CDC7: variants seen among roughly 807,000 people sequenced by gnomAD.
CDC7 encodes the protein cell division cycle 7-related protein kinase.
CDC7 carries 34 observed loss-of-function variants against 53.5 expected under a neutral mutation model. That is an observed-to-expected ratio of 0.64 (90% CI 0.48 to 0.85). The LOEUF is 0.85. Among genes scored for constraint, CDC7 ranks in the 40% least tolerant of loss-of-function variants. The pLI, the probability that CDC7 is intolerant of heterozygous loss-of-function variation, is 0.00. For synonymous variants in CDC7, 211 were observed against 222.8 expected, an observed-to-expected ratio of 0.95 and a Z score of 0.47; for missense variants, 594 against 679.7, an observed-to-expected ratio of 0.87 and a Z score of 1.40.
Position 91,524,172 on chromosome 1 carries a change from G to T in CDC7, c.1462G>T (p.Ala488Ser), listed in dbSNP as rs1297331025. 1 of 1,614,046 alleles carries T rather than the reference G, an allele frequency of 6.2e-7. No homozygotes were observed. Among genetic ancestry groups the T allele is most frequent in the African/African-American group, 1.3e-5 (1 of 75,032 alleles). The change falls in exon 12 of 12, where the codon GCT (alanine) becomes TCT (serine). Residue 488 changes from alanine (A) to serine (S), a missense_variant. By Grantham distance (99) the Ala-to-Ser change is moderately conservative. Coordinates refer to ENST00000234626, the MANE Select transcript of CDC7 (RefSeq NM_003503.4). Reference protein sequence around the residue: ...DIQGHASHQPAISEKTDHKAS... With the variant: ...DIQGHASHQPSISEKTDHKAS... Reference sequence around the variant, plus strand: ...ACAAGGGCATGCTTCTCATCAACCAGCTATTTCAGAGAAGACTGACCATAA... The same window carrying T: ...ACAAGGGCATGCTTCTCATCAACCATCTATTTCAGAGAAGACTGACCATAA...
chr1:91,501,609 G>GT, intron 1 of CDC7, 45 bp from the exon 2 acceptor site: 1 of 815,868 alleles, frequency 1.2e-6, no homozygotes, highest in Non-Finnish European at 2.1e-6. Context: ...TTAGTGCGTG[G>GT]TTTAGCGAGT....
chr1:91,501,928 A>G (rs758289891), intron 2 of CDC7, 97 bp downstream of exon 2: 37 of 883,792 alleles, frequency 4.2e-5, no homozygotes, highest in Non-Finnish European at 6.0e-5. Flanking sequence ...TGAATCTTAT[A>G]AAGTGAATTG....
Position 91,525,161 on chromosome 1 carries a change from G to A in CDC7, c.*726G>A, listed in dbSNP as rs1223534089. On this transcript the variant is annotated 3_prime_UTR_variant, in exon 12 of 12. Transcript: ENST00000234626. ...CTGGATGTTTTATTAAATATTGTAC[G>A]TGTTTACAGTTGGGAATTTAAAATA... The A allele has an allele frequency of 2.0e-5, 3 of 152,028 alleles. No homozygotes were observed. The highest frequency in any genetic ancestry group is 1.9e-4 in the East Asian group (1 of 5,202). 9.4% of individuals were successfully genotyped at this position (152,028 alleles called of 1,614,324 possible). A position where few individuals can be genotyped will look rare whatever the true frequency, so the allele number is the denominator to read the frequency against.
At position 91,515,794 on chromosome 1, in the gene CDC7, G is replaced by T. The variant is rs1403089257; in HGVS notation, c.1098G>T (p.Arg366Ser). 3 of 1,613,300 alleles carry T rather than the reference G, an allele frequency of 1.9e-6. No homozygotes were observed. In the African/African-American group the frequency reaches 4.0e-5, roughly 22 times the overall value. Residue 366 changes from arginine to serine, a missense_variant and splice_region_variant, in exon 10 of 12, where the codon AGG becomes AGT. Arg to Ser is a moderately radical substitution (Grantham distance 110, BLOSUM62 -1). Coordinates refer to ENST00000234626, the MANE Select transcript of CDC7 (RefSeq NM_003503.4). Reference sequence around the variant, plus strand: ...TAGAGAAATCTTATTTCATCATAAGGCGTCAGCAGGTTGCCCCTAGGGCAG... The same window carrying T: ...TAGAGAAATCTTATTTCATCATAAGTCGTCAGCAGGTTGCCCCTAGGGCAG... ...TDKVCSICLS[R>S]RQQVAPRAGT...
intron 10 of CDC7, among the ~76,000 whole-genome samples, chr1:91,519,910 A>G (rs940458298): frequency 2.6e-5 from 4 of 152,214 alleles, no homozygotes; most frequent in African/African-American, 4.8e-5. Context: ...GAGGATTCTC[A>G]GTCCTGGTTG....
At chr1:91,508,464 A>G in intron 4 of CDC7, 67 bp downstream of exon 4, 2 of 1,260,888 alleles carry the variant, frequency 1.6e-6, no homozygotes. Flanking sequence ...GTAGATATTT[A>G]GCAGGGATGA....
chr1:91,519,322 A>C (rs1005190253), intron 10 of CDC7, among the ~76,000 whole-genome samples: 4 of 151,492 alleles, frequency 2.6e-5, no homozygotes, highest in Non-Finnish European at 4.4e-5. Context: ...CCAGCTACTC[A>C]AGAGGCTGAA....
chr1:91,502,929 G>A (rs1337445784), intron 2 of CDC7, among the ~76,000 whole-genome samples: 1 of 151,992 alleles, frequency 6.6e-6, no homozygotes, highest in Non-Finnish European at 1.5e-5. Context: ...CCAGCAGTTA[G>A]CTGTTTTTTT....
rs578086706 is a variant in CDC7 at position 91,513,016 on chromosome 1, A to G, written c.573-42A>G. The G allele has an allele frequency of 1.9e-6, 3 of 1,576,740 alleles. No individual in the cohort carries two copies. In the African/African-American group the frequency reaches 4.1e-5, roughly 21 times the overall value. On this transcript the variant is annotated intron_variant, in intron 6 of 11. Coordinates refer to ENST00000234626, the MANE Select transcript of CDC7 (RefSeq NM_003503.4). ...GAGTATTACAATGTTACTAAGCTTT[A>G]ATTGCTACAGATAAGTAAAAATGCT...
At position 91,524,323 on chromosome 1, in the gene CDC7, TACCTGATGAAGCTTATG is replaced by T; in HGVS notation, c.1619_1635del (p.Asp540AlafsTer2). On this transcript the variant is annotated frameshift_variant, in exon 12 of 12. Coordinates refer to ENST00000234626, the MANE Select transcript of CDC7 (RefSeq NM_003503.4). LOFTEE classifies it high-confidence loss of function. ...ACCAATTTAGAAGGCTGGAATGAGG[TACCTGATGAAGCTTATG>T]ACCTGCTTGATAAACTTCTAGATCT... 6.2e-7 allele frequency: 1 copy of T among 1,613,942 alleles called. No homozygotes were observed. The highest frequency in any genetic ancestry group is 8.5e-7 in the Non-Finnish European group (1 of 1,179,880).
Position 91,525,202 on chromosome 1 carries a change from G to A in CDC7, c.*767G>A, listed in dbSNP as rs1283482099. ...ATTTAAAATAATACATACACTGGTT[G>A]ATAAAGGGAAGCTGCAGGACCAAGG... On this transcript the variant is annotated 3_prime_UTR_variant, in exon 12 of 12. Coordinates refer to ENST00000234626, the MANE Select transcript of CDC7 (RefSeq NM_003503.4). 1 of 152,138 alleles carries A rather than the reference G, an allele frequency of 6.6e-6. No homozygotes were observed. The highest frequency in any genetic ancestry group is 1.5e-5 in the Non-Finnish European group (1 of 67,982). The allele number at this position is 152,138 out of a possible 1,614,324, so 9.4% of individuals were successfully genotyped here.
rs778726611 is a variant in CDC7, at chr1:91,520,158, ATTTC to A, written c.1217_1220del (p.Ser406CysfsTer15). ...TTGACATGTGGTCTGCAGGTGTCAT[ATTTC>A]TTTCTTTGCTTAGTGGACGATATCC... On this transcript the variant is annotated frameshift_variant, in exon 11 of 12. Coordinates refer to ENST00000234626, the MANE Select transcript of CDC7 (RefSeq NM_003503.4). LOFTEE classifies it high-confidence loss of function. 8 of 1,604,784 alleles carry A rather than the reference ATTTC, an allele frequency of 5.0e-6. No homozygotes were observed. Among genetic ancestry groups the A allele is most frequent in the Admixed American group, 1.7e-5 (1 of 58,430 alleles).
chr1:91,515,039 C>T (rs1667486530), intron 9 of CDC7, 42 bp downstream of exon 9: 2 of 1,557,610 alleles, frequency 1.3e-6, no homozygotes, highest in Non-Finnish European at 1.8e-6. Context: ...CAGCATGCTG[C>T]CATTAGAAAT....
intron 10 of CDC7, among the ~76,000 whole-genome samples, chr1:91,519,022 C>T (rs1297101233): frequency 6.7e-6 from 1 of 149,690 alleles, no homozygotes; most frequent in South Asian, 2.1e-4. Flanking sequence ...GATCACACTA[C>T]CACACTCTAG....
chr1:91,502,512 C>T (rs910403542), intron 2 of CDC7, among the ~76,000 whole-genome samples: 5 of 151,916 alleles, frequency 3.3e-5, no homozygotes, highest in Admixed American at 3.3e-4. Context: ...GAATTCTGTG[C>T]TTGTCTAAAA....
chr1:91,512,856 T>C (rs933922209), intron 6 of CDC7, among the ~76,000 whole-genome samples: 3 of 152,184 alleles, frequency 2.0e-5, no homozygotes, highest in Non-Finnish European at 4.4e-5. Flanking sequence ...GTGGGACAAC[T>C]CTTAATTTTC....
intron 11 of CDC7, among the ~76,000 whole-genome samples, chr1:91,521,924 T>G (rs1417842411): frequency 6.6e-6 from 1 of 151,752 alleles, no homozygotes; most frequent in South Asian, 2.1e-4. Flanking sequence ...CCCAGCACTT[T>G]GAGAGGCTTA....
Position 91,524,552 on chromosome 1 carries a change from T to G in CDC7, c.*117T>G. 1 of 805,034 alleles carries G rather than the reference T, an allele frequency of 1.2e-6. No homozygotes were observed. The highest frequency in any genetic ancestry group is 1.9e-6 in the Non-Finnish European group (1 of 520,554). 49.9% of individuals were successfully genotyped at this position (805,034 alleles called of 1,614,324 possible). On this transcript the variant is annotated 3_prime_UTR_variant, in exon 12 of 12. Coordinates refer to ENST00000234626, the MANE Select transcript of CDC7 (RefSeq NM_003503.4). Reference sequence around the variant, plus strand: ...AGGATTAATAATTTATTTTAACATTTTAGTGTTTGGTGGCACATTCTAAAA... The same window carrying G: ...AGGATTAATAATTTATTTTAACATTGTAGTGTTTGGTGGCACATTCTAAAA...
intron 10 of CDC7, among the ~76,000 whole-genome samples, chr1:91,519,511 C>T (rs187439746): frequency 2.4e-4 from 36 of 152,144 alleles, no homozygotes; most frequent in African/African-American, 8.4e-4. Flanking sequence ...CCCTGTTTTC[C>T]AGGATGTGAT....
Sources: allele counts gnomAD v4.1 joint callset (sites outside exome capture counted in the v4.1 genomes callset), GRCh38; gene constraint gnomAD v4.1.1; transcripts MANE v1.5; gene names NCBI Gene and HGNC (gene_info 2026-07-23, HGNC 2026-07-21).